The following FAM133B variants were observed in gnomAD, a reference collection of about 807,000 sequenced individuals.
The protein encoded by FAM133B is family with sequence similarity 133 member B.
Under a neutral mutation model 46.4 loss-of-function variants are expected in FAM133B, and 25 were observed. The ratio of observed to expected loss-of-function variants is 0.54; its 90% CI spans 0.39 to 0.75. FAM133B has a LOEUF of 0.75. Ranked by LOEUF, FAM133B falls within the 30% of genes least tolerant of loss-of-function variation. The pLI is 0.00. For missense variants in FAM133B, 205 were observed against 277.6 expected (o/e 0.74, Z 1.86); for synonymous variants, 75 against 86.0 (o/e 0.87, Z 0.71).
intron 9 of FAM133B, 77 bp from the exon 10 acceptor site, chr7:92,566,138 T>G: frequency 3.0e-6 from 4 of 1,341,034 alleles, no homozygotes; most frequent in Non-Finnish European, 4.2e-6. Flanking sequence ...TTTCATTCTC[T>G]ATCTTGCATC....
At chr7:92,567,305 T>C (rs538085381) in intron 9 of FAM133B, among the ~76,000 whole-genome samples, 3 of 152,362 alleles carry the variant, frequency 2.0e-5, no homozygotes, top group South Asian at 4.1e-4. Context: ...AGATATTTCA[T>C]ATTAAACTTG....
chr7:92,589,235 G>C (rs531675159), intron 1 of FAM133B, among the ~76,000 whole-genome samples: 21 of 152,262 alleles, frequency 1.4e-4, no homozygotes, highest in Admixed American at 3.9e-4. Flanking sequence ...TAAGCTTATT[G>C]TTATTTCATT....
intron 9 of FAM133B, 103 bp from the exon 10 acceptor site, chr7:92,566,164 T>A: frequency 9.5e-7 from 1 of 1,056,560 alleles, no homozygotes; most frequent in Non-Finnish European, 1.4e-6. Context: ...AATTTAAATG[T>A]AAAAAACATT....
chr7:92,579,064 T>C, intron 3 of FAM133B: 1 of 371,440 alleles, frequency 2.7e-6, no homozygotes, highest in Admixed American at 4.7e-5. Context: ...AAATACAAAC[T>C]TGTATTCACC....
chr7:92,582,409 C>T (rs757251232), intron 1 of FAM133B, among the ~76,000 whole-genome samples: 8 of 152,048 alleles, frequency 5.3e-5, no homozygotes, highest in African/African-American at 1.2e-4. Context: ...TTGTCTCCCA[C>T]GAAATACTAT....
intron 8 of FAM133B, among the ~76,000 whole-genome samples, chr7:92,573,400 C>CT (rs951097980): frequency 2.6e-5 from 4 of 151,902 alleles, no homozygotes; most frequent in Admixed American, 6.5e-5. Context: ...AGTGATCCTC[C>CT]TGCCTCAGCC....
At chr7:92,566,177 G>T in intron 9 of FAM133B, 116 bp from the exon 10 acceptor site, 1 of 898,486 alleles carries the variant, frequency 1.1e-6, no homozygotes, top group Non-Finnish European at 1.7e-6. Context: ...AAAACATTTT[G>T]ACAATCACAG....
intron 10 of FAM133B, among the ~76,000 whole-genome samples, chr7:92,562,918 A>G (rs1794203492): frequency 6.6e-6 from 1 of 152,244 alleles, no homozygotes; most frequent in African/African-American, 2.4e-5. Context: ...GTATAGTTAA[A>G]AAGTCTACTT....
intron 10 of FAM133B, 153 bp downstream of exon 10, chr7:92,565,861 C>T: frequency 4.3e-6 from 3 of 701,934 alleles, no homozygotes; most frequent in Admixed American, 2.7e-5. Context: ...TGACTTTCTC[C>T]TACCCATTAA....
At chr7:92,567,436 A>G (rs993696569) in intron 9 of FAM133B, among the ~76,000 whole-genome samples, 1 of 152,246 alleles carries the variant, frequency 6.6e-6, no homozygotes, top group African/African-American at 2.4e-5. Context: ...CATTAAATAC[A>G]TGACAAATAC....
intron 10 of FAM133B, among the ~76,000 whole-genome samples, chr7:92,564,049 T>A (rs1463239483): frequency 6.6e-6 from 1 of 152,228 alleles, no homozygotes; most frequent in African/African-American, 2.4e-5. Context: ...GAAAACACAC[T>A]CTGCTGTGTA....
chr7:92,570,487 TA>T (rs1391761334), intron 8 of FAM133B, among the ~76,000 whole-genome samples: 2 of 151,506 alleles, frequency 1.3e-5, no homozygotes, highest in African/African-American at 4.8e-5. Flanking sequence ...TTTGAAGAAA[TA>T]AAAAAAAATT....
At chr7:92,565,060 A>G (rs1037055759) in intron 10 of FAM133B, among the ~76,000 whole-genome samples, 2 of 151,986 alleles carry the variant, frequency 1.3e-5, no homozygotes, top group Non-Finnish European at 2.9e-5. Flanking sequence ...AGTAACTATT[A>G]TCAAAGATAA....
chr7:92,580,808 C>T (rs1262425213), intron 2 of FAM133B, among the ~76,000 whole-genome samples: 2 of 152,224 alleles, frequency 1.3e-5, no homozygotes, highest in Admixed American at 1.3e-4. Flanking sequence ...CCCATTAAAA[C>T]ATACTTTGTT....
intron 1 of FAM133B, among the ~76,000 whole-genome samples, chr7:92,582,801 C>T (rs1180459047): frequency 6.6e-6 from 1 of 152,018 alleles, no homozygotes; most frequent in Non-Finnish European, 1.5e-5. Flanking sequence ...CATTCTATAC[C>T]CATTAGGATG....
At chr7:92,578,907 G>A (rs1055051750) in intron 3 of FAM133B, among the ~76,000 whole-genome samples, 2 of 151,910 alleles carry the variant, frequency 1.3e-5, no homozygotes, top group Admixed American at 6.6e-5. Context: ...AAATTAGCTG[G>A]GCATAGTGGC....
chr7:92,563,468 A>C (rs979777275), intron 10 of FAM133B, among the ~76,000 whole-genome samples: 1 of 152,136 alleles, frequency 6.6e-6, no homozygotes, highest in African/African-American at 2.4e-5. Context: ...GTTTTCTTCT[A>C]TCACAAAGAC....
At chr7:92,574,907 G>A (rs1411403026) in intron 8 of FAM133B, among the ~76,000 whole-genome samples, 3 of 133,822 alleles carry the variant, frequency 2.2e-5, no homozygotes, top group Non-Finnish European at 3.1e-5. Context: ...GCGAGACTCC[G>A]TCTCAAAAAA....
rs1385861990 is a variant in FAM133B at position 92,562,384 on chromosome 7, C to T, written c.658-16G>A. ...TTGTTTTTTCCTGTAAAGATAATTC[C>T]ATGTTAGACATTACTATATAAAAAT... On this transcript the variant is annotated splice_polypyrimidine_tract_variant and intron_variant, in intron 10 of 10. Coordinates refer to ENST00000445716, the MANE Select transcript of FAM133B (RefSeq NM_152789.4). 6.6e-7 allele frequency: 1 copy of T among 1,524,350 alleles called. No homozygotes were observed. The highest frequency in any genetic ancestry group is 2.5e-5 in the East Asian group (1 of 40,712). The allele number at this position is 1,524,350 out of a possible 1,614,324, so 94.4% of individuals were successfully genotyped here.
Sources: gnomAD v4.1 joint callset for allele counts (sites outside exome capture counted in the v4.1 genomes callset) on GRCh38, gnomAD v4.1.1 for gene constraint, MANE v1.5 for transcripts, NCBI Gene and HGNC (gene_info 2026-07-23, HGNC 2026-07-21) for gene names.